CTNNA3: variants seen among roughly 807,000 people sequenced by gnomAD.
CTNNA3 encodes the protein catenin alpha-3.
CTNNA3 carries 76 observed loss-of-function variants against 95.7 expected under a neutral mutation model. The ratio of observed to expected loss-of-function variants is 0.79; its 90% CI spans 0.66 to 0.96. CTNNA3 has a LOEUF of 0.96. CTNNA3 is among the 40% of genes least tolerant of loss of function. The probability of loss-of-function intolerance (pLI) is 0.00; values close to 1 mark genes in which losing one functional copy is unlikely to be tolerated. For synonymous variants in CTNNA3, 431 were observed against 374.4 expected (o/e 1.15, Z -1.74); for missense variants, 1,191 against 1,089.8 (o/e 1.09, Z -1.31).
intron 1 of CTNNA3, among the ~76,000 whole-genome samples, chr10:67,702,337 C>A (rs1003659237): frequency 9.9e-5 from 15 of 152,106 alleles, no homozygotes; most frequent in Non-Finnish European, 2.1e-4. Context: ...TTTTCAGCAC[C>A]ACACCACACC....
chr10:66,279,923 C>T (rs1438579208), intron 13 of CTNNA3, among the ~76,000 whole-genome samples: 2 of 151,964 alleles, frequency 1.3e-5, no homozygotes, highest in Non-Finnish European at 2.9e-5. Flanking sequence ...TGTGCTCTCA[C>T]GCCTGGGAAG....
chr10:65,948,142 G>A (rs559059972), intron 17 of CTNNA3, among the ~76,000 whole-genome samples: 7 of 152,108 alleles, frequency 4.6e-5, no homozygotes, highest in African/African-American at 7.2e-5. Context: ...TTAGCTGGGC[G>A]TGGTGGTGGG....
At chr10:67,068,862 C>A (rs1239399293) in intron 7 of CTNNA3, among the ~76,000 whole-genome samples, 1 of 151,966 alleles carries the variant, frequency 6.6e-6, no homozygotes, top group African/African-American at 2.4e-5. Context: ...GAGTTCAAGA[C>A]CAGCCTGGCC....
chr10:67,165,117 C>T (rs1214843036), intron 7 of CTNNA3, among the ~76,000 whole-genome samples: 1 of 152,084 alleles, frequency 6.6e-6, no homozygotes, highest in Admixed American at 6.6e-5. Context: ...GAATGTCCTA[C>T]CATAGTCAAA....
chr10:67,286,909 C>T (rs375836473), intron 5 of CTNNA3, among the ~76,000 whole-genome samples: 1 of 152,142 alleles, frequency 6.6e-6, no homozygotes, highest in South Asian at 2.1e-4. Context: ...TTTGACTTTG[C>T]AGCTCTACTG....
At chr10:67,095,794 T>A (rs1372809809) in intron 7 of CTNNA3, among the ~76,000 whole-genome samples, 1 of 151,826 alleles carries the variant, frequency 6.6e-6, no homozygotes, top group African/African-American at 2.4e-5. Flanking sequence ...AATGTAAAAC[T>A]CGTGTACCCA....
intron 10 of CTNNA3, among the ~76,000 whole-genome samples, chr10:66,586,731 T>C (rs568910278): frequency 2.7e-4 from 41 of 152,144 alleles, no homozygotes; most frequent in Admixed American, 3.3e-4. Flanking sequence ...ATGAGCGCTG[T>C]TTGACTGTTG....
rs1564794051 is a variant in CTNNA3, at chr10:66,957,443, C to CATATATATATGCAT, written c.1048-181920_1048-181919insATGCATATATATAT. Among the ~76,000 whole-genome samples the CATATATATATGCAT allele has an allele frequency of 6.0e-3, 132 of 22,160 alleles. 5 individuals carry two copies. Among genetic ancestry groups the CATATATATATGCAT allele is most frequent in the Middle Eastern group, 0.031 (1 of 32 alleles). 14.5% of individuals were successfully genotyped at this position (22,160 alleles called of 152,430 possible). A position where few individuals can be genotyped will look rare whatever the true frequency, so the allele number is the denominator to read the frequency against. Reference sequence around the variant, plus strand: ...ATATATATATGCATATATATATATGCATATATATATATGCATATATATATA... The same window carrying CATATATATATGCAT: ...ATATATATATGCATATATATATATGCATATATATATGCATATATATATATATGCATATATATATA... On this transcript the variant is annotated intron_variant, in intron 7 of 17. Transcript: ENST00000433211.
At chr10:66,985,855 G>A (rs1225286543) in intron 7 of CTNNA3, among the ~76,000 whole-genome samples, 1 of 152,026 alleles carries the variant, frequency 6.6e-6, no homozygotes, top group Non-Finnish European at 1.5e-5. Flanking sequence ...AGCCTCCCAA[G>A]TAACTGGGAT....
upstream of CTNNA3, among the ~76,000 whole-genome samples, chr10:67,700,284 C>A (rs901049774): frequency 6.6e-6 from 1 of 152,324 alleles, no homozygotes; most frequent in Admixed American, 6.5e-5. Flanking sequence ...GTTCTCCCAG[C>A]ACGCAGCTGC....
At chr10:67,268,434 T>C (rs565827650) in intron 5 of CTNNA3, among the ~76,000 whole-genome samples, 39 of 152,148 alleles carry the variant, frequency 2.6e-4, no homozygotes, top group Admixed American at 1.5e-3. Flanking sequence ...GGCAGGAGGA[T>C]TGCATGAGCC....
chr10:67,620,898 T>C (rs2133410286), intron 2 of CTNNA3, among the ~76,000 whole-genome samples: 1 of 126,832 alleles, frequency 7.9e-6, no homozygotes, highest in Non-Finnish European at 1.6e-5. Flanking sequence ...TGTATATATA[T>C]GTATATGTGT....
At chr10:66,294,998 T>C (rs1175644396) in intron 12 of CTNNA3, among the ~76,000 whole-genome samples, 3 of 152,154 alleles carry the variant, frequency 2.0e-5, no homozygotes, top group Non-Finnish European at 2.9e-5. Flanking sequence ...CTAATTTCCC[T>C]ATAGTTTGAA....
intron 1 of CTNNA3, chr10:67,750,630 C>A: frequency 6.5e-7 from 1 of 1,547,420 alleles, no homozygotes; most frequent in Non-Finnish European, 8.9e-7. Flanking sequence ...CACAGGGATA[C>A]AAGTCTGGGG....
chr10:66,971,079 A>C (rs1849694567), intron 7 of CTNNA3, among the ~76,000 whole-genome samples: 1 of 152,160 alleles, frequency 6.6e-6, no homozygotes, highest in Non-Finnish European at 1.5e-5. Flanking sequence ...AAAAAAAATG[A>C]AAATGTATCT....
intron 7 of CTNNA3, among the ~76,000 whole-genome samples, chr10:66,813,277 G>A (rs1841951621): frequency 6.6e-6 from 1 of 152,244 alleles, no homozygotes; most frequent in Admixed American, 6.5e-5. Flanking sequence ...TGTCAGCTGC[G>A]TCTTTGGGAT....
chr10:66,029,347 C>T (rs2079406832), intron 15 of CTNNA3, among the ~76,000 whole-genome samples: 2 of 152,010 alleles, frequency 1.3e-5, no homozygotes, highest in African/African-American at 4.8e-5. Flanking sequence ...CAATCCCCAG[C>T]CCCAATCACA....
chr10:67,240,409 C>G (rs1462464277), intron 5 of CTNNA3, among the ~76,000 whole-genome samples: 1 of 152,106 alleles, frequency 6.6e-6, no homozygotes, highest in Non-Finnish European at 1.5e-5. Flanking sequence ...GAAATGGAAA[C>G]TTAGTCTTAA....
At chr10:67,116,219 A>G (rs1268906215) in intron 7 of CTNNA3, among the ~76,000 whole-genome samples, 1 of 152,038 alleles carries the variant, frequency 6.6e-6, no homozygotes, top group Non-Finnish European at 1.5e-5. Flanking sequence ...CAGATGAATC[A>G]TGAACCTGAA....
Sources: allele counts gnomAD v4.1 joint callset (sites outside exome capture counted in the v4.1 genomes callset), GRCh38; gene constraint gnomAD v4.1.1; transcripts MANE v1.5; gene names NCBI Gene and HGNC (gene_info 2026-07-23, HGNC 2026-07-21).